The following ZNF383 variants were observed in gnomAD, a reference collection of about 807,000 sequenced individuals.
ZNF383 encodes zinc finger protein 383.
A neutral mutation model predicts 44.2 loss-of-function variants in ZNF383; 32 were observed. That is an observed-to-expected ratio of 0.72 (90% CI 0.55 to 0.97). The LOEUF is 0.97. Ranked by LOEUF, ZNF383 falls within the 50% of genes least tolerant of loss-of-function variation. The pLI, the probability that ZNF383 is intolerant of heterozygous loss-of-function variation, is 0.00. For missense variants in ZNF383, 487 were observed against 562.5 expected (o/e 0.87, Z 1.36); for synonymous variants, 155 against 186.2 (o/e 0.83, Z 1.36).
intron 3 of ZNF383, among the ~76,000 whole-genome samples, chr19:37,234,279 G>A (rs931451423): frequency 3.9e-5 from 6 of 152,146 alleles, no homozygotes; most frequent in Admixed American, 3.9e-4. Context: ...CCCAAAATGT[G>A]CCTCATCTCC....
rs540803551 is a variant in ZNF383, at chr19:37,240,782, T to C, written c.233-1687T>C. Among the ~76,000 whole-genome samples the C allele has an allele frequency of 2.0e-5, 3 of 152,280 alleles. No individual in the cohort carries two copies. In the East Asian group the frequency reaches 5.8e-4, roughly 29 times the overall value. ...AGACTTACATCTGTCTCTTCCCTCA[T>C]GTGAATAACCCGCTGTTACCAATTC... On this transcript the variant is annotated intron_variant, in intron 5 of 5. Coordinates refer to ENST00000684119, the MANE Select transcript of ZNF383 (RefSeq NM_001387601.1).
At chr19:37,227,110 CTTTTTTTTTT>C (rs35250551) in intron 2 of ZNF383, among the ~76,000 whole-genome samples, 4 of 92,022 alleles carry the variant, frequency 4.3e-5, no homozygotes, top group Non-Finnish European at 5.9e-5. Context: ...CCCAGCCAGG[CTTTTTTTTTT>C]TTTTTTTTTT....
intron 3 of ZNF383, among the ~76,000 whole-genome samples, chr19:37,233,061 C>G (rs773748951): frequency 6.6e-6 from 1 of 152,094 alleles, no homozygotes; most frequent in Non-Finnish European, 1.5e-5. Flanking sequence ...CACTTGCATA[C>G]AGTCCCCTCT....
At chr19:37,236,610 G>A (rs1048361855) in intron 5 of ZNF383, among the ~76,000 whole-genome samples, 3 of 147,878 alleles carry the variant, frequency 2.0e-5, no homozygotes, top group Non-Finnish European at 4.4e-5. Context: ...TCGCTCCGTC[G>A]CTCAGGCTGG....
In ZNF383 at chr19:37,242,762, G is replaced by A. The variant is rs765155753; in HGVS notation, c.526G>A (p.Gly176Arg). Residue 176 changes from glycine (G) to arginine (R), a missense_variant, in exon 6 of 6, where the codon GGA (glycine) becomes AGA (arginine). Transcript: ENST00000684119. ...CAGACCCTATGAATGTAAGAAATGT[G>A]GAAAGGCCTTTAGTCAGAACTCACA... is the stretch of plus-strand genomic sequence containing the variant. Reference protein sequence around the residue: ...EDRPYECKKCGKAFSQNSQFI... With the variant: ...EDRPYECKKCRKAFSQNSQFI... 2 of 1,614,056 alleles carry A rather than the reference G, an allele frequency of 1.2e-6. No homozygotes were observed. The highest frequency in any genetic ancestry group is 1.7e-6 in the Non-Finnish European group (2 of 1,180,002).
intron 4 of ZNF383, 76 bp from the exon 5 acceptor site, chr19:37,235,903 C>A: frequency 7.3e-7 from 1 of 1,368,090 alleles, no homozygotes; most frequent in Non-Finnish European, 1.0e-6. Flanking sequence ...AGTGGCATCT[C>A]TTCCTGTGAT....
At chr19:37,232,487 A>T (rs1432358110) in intron 3 of ZNF383, among the ~76,000 whole-genome samples, 2 of 152,176 alleles carry the variant, frequency 1.3e-5, no homozygotes, top group Admixed American at 6.6e-5. Context: ...AAATACTCAA[A>T]AAATAAAAAA....
intron 1 of ZNF383, among the ~76,000 whole-genome samples, chr19:37,223,894 G>T (rs1973038717): frequency 6.6e-6 from 1 of 152,006 alleles, no homozygotes; most frequent in Non-Finnish European, 1.5e-5. Flanking sequence ...AAGTAGCCAG[G>T]TATGGTGGCG....
At position 37,243,314 on chromosome 19, in the gene ZNF383, CA is replaced by C; in HGVS notation, c.1079del (p.His360ProfsTer82). ...AGCACTTACTAATCATCAGAGAATT[CA>C]CACTGGTGAGAAACCCTATGATTGT... The part of the protein sequence containing the change: ...GSALTNHQRI[H>X]TGEKPYDCKE... On this transcript the variant is annotated frameshift_variant, in exon 6 of 6. Coordinates refer to ENST00000684119, the MANE Select transcript of ZNF383 (RefSeq NM_001387601.1). LOFTEE classifies it high-confidence loss of function. 6.2e-7 allele frequency: 1 copy of C among 1,614,132 alleles called. No individual in the cohort carries two copies. The highest frequency in any genetic ancestry group is 8.5e-7 in the Non-Finnish European group (1 of 1,180,008).
In ZNF383 at chr19:37,243,561, G is replaced by T. The variant is rs777008278; in HGVS notation, c.1325G>T (p.Arg442Ile). 1.2e-6 allele frequency: 2 copies of T among 1,614,102 alleles called. No individual in the cohort carries two copies. Among genetic ancestry groups the T allele is most frequent in the Non-Finnish European group, 1.7e-6 (2 of 1,179,986 alleles). ...TGCTCAAACCTTACTCGACATCTGA[G>T]AATTCACACTGGTGAAAAGCCCTAT... Reference protein sequence around the residue: ...NKCSNLTRHLRIHTGEKPYNC... With the variant: ...NKCSNLTRHLIIHTGEKPYNC... The change falls in exon 6 of 6, where the codon AGA (arginine) becomes ATA (isoleucine). Residue 442 changes from arginine (R) to isoleucine (I), a missense_variant. Arg to Ile is a moderately conservative substitution (Grantham distance 97). Transcript: ENST00000684119.
intron 1 of ZNF383, among the ~76,000 whole-genome samples, chr19:37,222,782 T>C (rs1422848896): frequency 6.6e-6 from 1 of 152,214 alleles, no homozygotes; most frequent in Non-Finnish European, 1.5e-5. Flanking sequence ...TACATGTCTT[T>C]TGGTGCACAT....
chr19:37,243,107 T>C lies in ZNF383; in HGVS notation c.871T>C (p.Phe291Leu). ...PYECKVCGKA[F>L]TKSSQLFQHA... is the part of the protein sequence containing the mutation. ...TGAATGTAAAGTATGTGGGAAAGCC[T>C]TTACTAAGAGCTCACAACTTTTTCA... Residue 291 changes from phenylalanine to leucine, a missense_variant, in exon 6 of 6, where the codon TTT (phenylalanine) becomes CTT (leucine). Coordinates refer to ENST00000684119, the MANE Select transcript of ZNF383 (RefSeq NM_001387601.1). 6.2e-7 allele frequency: 1 copy of C among 1,614,100 alleles called. No individual in the cohort carries two copies. Among genetic ancestry groups the C allele is most frequent in the Non-Finnish European group, 8.5e-7 (1 of 1,180,008 alleles).
At chr19:37,236,661 C>A (rs1048174042) in intron 5 of ZNF383, among the ~76,000 whole-genome samples, 2 of 151,936 alleles carry the variant, frequency 1.3e-5, no homozygotes, top group Non-Finnish European at 2.9e-5. Context: ...CCTCTGCCTC[C>A]CGGGTTCAGG....
intron 2 of ZNF383, among the ~76,000 whole-genome samples, chr19:37,226,210 T>C (rs555374415): frequency 6.6e-6 from 1 of 152,132 alleles, no homozygotes; most frequent in Non-Finnish European, 1.5e-5. Context: ...TTTTTTAGGG[T>C]ACTTTTAGGT....
intron 5 of ZNF383, among the ~76,000 whole-genome samples, chr19:37,236,672 C>A (rs1011271027): frequency 1.3e-5 from 2 of 151,512 alleles, no homozygotes; most frequent in Non-Finnish European, 2.9e-5. Flanking sequence ...CGGGTTCAGG[C>A]GATTCTTCTG....
chr19:37,221,350 A>G (rs954362464), intron 1 of ZNF383, among the ~76,000 whole-genome samples: 1 of 151,958 alleles, frequency 6.6e-6, no homozygotes, highest in Non-Finnish European at 1.5e-5. Context: ...TGGGAGGCCT[A>G]CTGGGCAGAT....
intron 2 of ZNF383, among the ~76,000 whole-genome samples, chr19:37,226,949 C>T (rs1373904428): frequency 1.3e-5 from 2 of 151,932 alleles, no homozygotes; most frequent in Non-Finnish European, 2.9e-5. Flanking sequence ...GCTGCGACTA[C>T]AGGCGTGCGT....
chr19:37,227,773 G>C (rs1973253906), intron 2 of ZNF383: 3 of 152,364 alleles, frequency 2.0e-5, no homozygotes, highest in Admixed American at 1.3e-4. Flanking sequence ...GTGTCCACCA[G>C]ACAGGGGGCC....
rs1974293570 is a variant in ZNF383, at chr19:37,244,725, A to G, written c.*1061A>G. On this transcript the variant is annotated 3_prime_UTR_variant, in exon 6 of 6. Coordinates refer to ENST00000684119, the MANE Select transcript of ZNF383 (RefSeq NM_001387601.1). Reference sequence around the variant, plus strand: ...TTTTTAATTGTTAAGCCAAAATCACAAAGCAAAAAATTACAAACTAAAAAG... The same window carrying G: ...TTTTTAATTGTTAAGCCAAAATCACGAAGCAAAAAATTACAAACTAAAAAG... 6.6e-6 allele frequency: 1 copy of G among 152,320 alleles called. No homozygotes were observed. The highest frequency in any genetic ancestry group is 1.9e-4 in the East Asian group (1 of 5,168). The allele number at this position is 152,320 out of a possible 1,614,324, so 9.4% of individuals were successfully genotyped here. A position where few individuals can be genotyped will look rare whatever the true frequency, so the allele number is the denominator to read the frequency against.
Sources: allele counts gnomAD v4.1 joint callset (sites outside exome capture counted in the v4.1 genomes callset), GRCh38; gene constraint gnomAD v4.1.1; transcripts MANE v1.5; gene names NCBI Gene and HGNC (gene_info 2026-07-23, HGNC 2026-07-21).